The following DNAAF4 variants were observed in gnomAD, a reference collection of about 807,000 sequenced individuals.
DNAAF4 encodes the protein dynein axonemal assembly factor 4, also known as dynein assembly factor 4, axonemal.
DNAAF4 carries 43 observed loss-of-function variants against 51.8 expected under a neutral mutation model. The ratio of observed to expected loss-of-function variants is 0.83; its 90% CI spans 0.65 to 1.07. The LOEUF is 1.07. Among genes scored for constraint, DNAAF4 ranks in the 50% least tolerant of loss-of-function variants. The pLI is 0.00. For synonymous variants in DNAAF4, 194 were observed against 165.6 expected (o/e 1.17, Z -1.32); for missense variants, 581 against 493.0 (o/e 1.18, Z -1.69).
At chr15:55,475,371 C>T (rs1054635158) in intron 4 of DNAAF4, among the ~76,000 whole-genome samples, 1 of 152,112 alleles carries the variant, frequency 6.6e-6, no homozygotes, top group Non-Finnish European at 1.5e-5. Context: ...AGTCTTTAGT[C>T]TAGAAAAGCT....
intron 4 of DNAAF4, among the ~76,000 whole-genome samples, chr15:55,475,102 T>C (rs1182828857): frequency 2.0e-5 from 3 of 152,160 alleles, no homozygotes. Context: ...TGGAGGGAAA[T>C]CTCAATATTA....
intron 6 of DNAAF4, chr15:55,442,522 T>A: frequency 1.3e-6 from 1 of 796,756 alleles, no homozygotes; most frequent in Non-Finnish European, 2.2e-6. Context: ...GGAAGGTCAC[T>A]CTTGGCAGGC....
chr15:55,491,824 A>G (rs935065831), intron 3 of DNAAF4, among the ~76,000 whole-genome samples: 9 of 144,276 alleles, frequency 6.2e-5, no homozygotes, highest in African/African-American at 1.0e-4. Context: ...TAATATATAT[A>G]AATATATATA....
chr15:55,503,361 T>G (rs2141613103), intron 1 of DNAAF4, among the ~76,000 whole-genome samples: 1 of 152,270 alleles, frequency 6.6e-6, no homozygotes. Context: ...GAGGAGCTGG[T>G]ACCATTCCTT....
chr15:55,429,574 T>C (rs2057466731), downstream of DNAAF4, among the ~76,000 whole-genome samples: 1 of 150,368 alleles, frequency 6.7e-6, no homozygotes, highest in African/African-American at 2.5e-5. Flanking sequence ...ATCCAGCACT[T>C]TGGGAGGCCA....
At chr15:55,472,409 G>A (rs2058268056) in intron 4 of DNAAF4, among the ~76,000 whole-genome samples, 1 of 152,158 alleles carries the variant, frequency 6.6e-6, no homozygotes, top group Non-Finnish European at 1.5e-5. Context: ...CTTGAGGTCA[G>A]GAGTTCAAGA....
In DNAAF4 at chr15:55,432,569, T is replaced by A; in HGVS notation, c.1081A>T (p.Asn361Tyr). ...TGTGCCTTCATTCTTGCATTAGCAT[T>A]GTCTGTAACAGGTGGCATCAATAAT... ...LELLMPPVTD[N>Y]ANARMKAHVR... The change falls in exon 9 of 10, where the codon AAT (asparagine) becomes TAT (tyrosine). Residue 361 changes from asparagine to tyrosine, a missense_variant. Physicochemically the swap from Asn to Tyr is moderately radical, Grantham distance 143. Coordinates refer to ENST00000321149, the MANE Select transcript of DNAAF4 (RefSeq NM_130810.4). 6.2e-7 allele frequency: 1 copy of A among 1,612,180 alleles called. No individual in the cohort carries two copies. Among genetic ancestry groups the A allele is most frequent in the Non-Finnish European group, 8.5e-7 (1 of 1,178,746 alleles).
intron 4 of DNAAF4, among the ~76,000 whole-genome samples, chr15:55,480,333 C>T (rs2058391916): frequency 6.6e-6 from 1 of 152,092 alleles, no homozygotes; most frequent in South Asian, 2.1e-4. Flanking sequence ...GGGGTGGGAT[C>T]CCCCGATACC....
At chr15:55,457,998 A>C (rs2058044363) in intron 5 of DNAAF4, among the ~76,000 whole-genome samples, 1 of 152,184 alleles carries the variant, frequency 6.6e-6, no homozygotes, top group African/African-American at 2.4e-5. Flanking sequence ...GGAGGGCACC[A>C]CATCAAGGGA....
At chr15:55,425,636 A>C (rs2057424573), downstream of DNAAF4, among the ~76,000 whole-genome samples, 1 of 152,112 alleles carries the variant, frequency 6.6e-6, no homozygotes, top group East Asian at 1.9e-4. Flanking sequence ...TAGGGAACCA[A>C]GACAGAATAG....
intron 4 of DNAAF4, among the ~76,000 whole-genome samples, chr15:55,479,870 C>T (rs933185524): frequency 1.3e-5 from 2 of 152,208 alleles, no homozygotes; most frequent in African/African-American, 4.8e-5. Context: ...AATTTGTGGT[C>T]AGACCAGTTC....
intron 3 of DNAAF4, among the ~76,000 whole-genome samples, chr15:55,496,502 A>G (rs2058643082): frequency 6.6e-6 from 1 of 152,184 alleles, no homozygotes; most frequent in Admixed American, 6.5e-5. Context: ...ATATGTCAGT[A>G]GCCTCCCCTG....
chr15:55,451,728 C>A (rs1353730852), intron 5 of DNAAF4, among the ~76,000 whole-genome samples: 3 of 151,916 alleles, frequency 2.0e-5, no homozygotes, highest in Non-Finnish European at 4.4e-5. Context: ...ATCCTCCCAT[C>A]TCAGCCTTTC....
Position 55,498,899 on chromosome 15 carries a change from G to A in DNAAF4, c.-255-315C>T, listed in dbSNP as rs144799942. ...GCACTCCAGCCTGGGAAACAAGAGC[G>A]AAACTCCGTCTCAAAAAAAAAAAAA... is the stretch of plus-strand genomic sequence containing the variant. On this transcript the variant is annotated intron_variant, in intron 1 of 9. Coordinates refer to ENST00000321149, the MANE Select transcript of DNAAF4 (RefSeq NM_130810.4). Among the ~76,000 whole-genome samples the A allele has an allele frequency of 4.9e-3, 625 of 128,154 alleles. 5 individuals are homozygous for A. Among genetic ancestry groups the A allele is most frequent in the African/African-American group, 0.017 (589 of 33,770 alleles). The allele number at this position is 128,154 out of a possible 152,430, so 84.1% of individuals were successfully genotyped here. A position where few individuals can be genotyped will look rare whatever the true frequency, so the allele number is the denominator to read the frequency against.
At chr15:55,483,833 CTTTTTTTT>C (rs71105887) in intron 4 of DNAAF4, among the ~76,000 whole-genome samples, 5,080 of 82,514 alleles carry the variant, frequency 0.062, 337 homozygotes, top group South Asian at 0.12. Context: ...GCCAATAAAG[CTTTTTTTT>C]TTTTTTTTTT....
intron 3 of DNAAF4, among the ~76,000 whole-genome samples, chr15:55,496,126 A>G (rs2058637849): frequency 6.6e-6 from 1 of 152,142 alleles, no homozygotes; most frequent in African/African-American, 2.4e-5. Flanking sequence ...GCTACTTGGG[A>G]GGCTGAGGCT....
intron 6 of DNAAF4, among the ~76,000 whole-genome samples, chr15:55,448,519 G>GGGGT (rs1555415711): frequency 5.0e-5 from 5 of 99,890 alleles, no homozygotes; most frequent in Admixed American, 1.4e-4. Context: ...AAAAAAAAAG[G>GGGGT]GTGTGTGTGT....
At chr15:55,449,205 G>C (rs1426332757) in intron 6 of DNAAF4, among the ~76,000 whole-genome samples, 1 of 150,112 alleles carries the variant, frequency 6.7e-6, no homozygotes, top group Non-Finnish European at 1.5e-5. Flanking sequence ...GGCCAGGCTG[G>C]TCTCAAACTC....
At chr15:55,473,143 G>A (rs1274479582) in intron 4 of DNAAF4, among the ~76,000 whole-genome samples, 3 of 142,574 alleles carry the variant, frequency 2.1e-5, no homozygotes, top group Non-Finnish European at 4.5e-5. Context: ...TCCAGCCTGG[G>A]TAACAGAGTG....
Sources: gnomAD v4.1 joint callset for allele counts (sites outside exome capture counted in the v4.1 genomes callset) on GRCh38, gnomAD v4.1.1 for gene constraint, MANE v1.5 for transcripts, NCBI Gene and HGNC (gene_info 2026-07-23, HGNC 2026-07-21) for gene names.